Variants in GRIP2 observed in about 807,000 individuals in gnomAD.
GRIP2 encodes glutamate receptor interacting protein 2.
Under a neutral mutation model 108.3 loss-of-function variants are expected in GRIP2, and 58 were observed. The ratio of observed to expected loss-of-function variants is 0.54; its 90% confidence interval spans 0.43 to 0.67. The LOEUF (loss-of-function observed/expected upper bound fraction) is 0.67. GRIP2 is among the 30% of genes least tolerant of loss of function. The probability of loss-of-function intolerance (pLI) is 0.00; values close to 1 mark genes in which losing one functional copy is unlikely to be tolerated. For missense variants in GRIP2, 1,278 were observed against 1,430.6 expected, an observed-to-expected ratio of 0.89 and a Z score of 1.72; for synonymous variants, 586 against 598.2, an observed-to-expected ratio of 0.98 and a Z score of 0.30.
the GRIP2 span, among the ~76,000 whole-genome samples, chr3:14,568,167 T>C: frequency 6.6e-6 from 1 of 151,932 alleles, no homozygotes. Context: ...TGGGAGGGTG[T>C]TGAAGAGAGG....
In GRIP2 at chr3:14,494,830, G is replaced by C; in HGVS notation, c.2970+13C>G. On this transcript the variant is annotated intron_variant, in intron 23 of 23. Transcript: ENST00000621039. ...ATGCCACCCCCACTATGGAGCCCCT[G>C]CCCCAGCATTACCTGCAGGACCCTG... 6.2e-7 allele frequency: 1 copy of C among 1,607,920 alleles called. No individual in the cohort carries two copies. Among genetic ancestry groups the C allele is most frequent in the Non-Finnish European group, 8.5e-7 (1 of 1,176,326 alleles).
chr3:14,501,746 A>T (rs1473086560), intron 21 of GRIP2, among the ~76,000 whole-genome samples: 4 of 152,166 alleles, frequency 2.6e-5, no homozygotes, highest in African/African-American at 9.7e-5. Flanking sequence ...ATTTTTTATT[A>T]CTTATTTTGA....
chr3:14,513,293 C>G (rs1224342678), intron 13 of GRIP2, among the ~76,000 whole-genome samples: 1 of 152,184 alleles, frequency 6.6e-6, no homozygotes, highest in Non-Finnish European at 1.5e-5. Context: ...CAACTATTTA[C>G]GGATGGGGAA....
Position 14,505,619 on chromosome 3 carries a change from T to C in GRIP2, c.2569A>G (p.Thr857Ala), listed in dbSNP as rs769189397. ...CACGGTGCTCCCACCACAGACCTCG[T>C]TGGCGGCTCCCAATCATCCTCCTCC... is the stretch of plus-strand genomic sequence containing the variant. ...EEEEDDWEPP[T>A]SPAPGPAREE... The change falls in exon 20 of 24, where the codon ACG (threonine) becomes GCG (alanine). Residue 857 changes from threonine to alanine, a missense_variant. Transcript: ENST00000621039. This position sits in a 1 kb window ranked among gnomAD's most constrained non-coding sequence, Gnocchi z 4.2. The C allele has an allele frequency of 2.2e-5, 35 of 1,609,856 alleles. No individual in the cohort carries two copies. Among genetic ancestry groups the C allele is most frequent in the South Asian group, 4.4e-5 (4 of 90,028 alleles).
At chr3:14,535,378 T>A (rs962534666) in intron 1 of GRIP2, among the ~76,000 whole-genome samples, 8 of 152,186 alleles carry the variant, frequency 5.3e-5, no homozygotes, top group Admixed American at 1.3e-4. Flanking sequence ...GCCCACCTCA[T>A]GGGTTGCTGG....
At position 14,505,773 on chromosome 3, in the gene GRIP2, C is replaced by CTG. The variant is rs1693908577; in HGVS notation, c.2413_2414dup (p.Gln805HisfsTer18). 1 of 1,558,824 alleles carries CTG rather than the reference C, an allele frequency of 6.4e-7. No individual in the cohort carries two copies. Among genetic ancestry groups the CTG allele is most frequent in the Non-Finnish European group, 8.7e-7 (1 of 1,152,564 alleles). ...GGGGGGTCGTGCCCCGGGCTGCTGC[C>CTG]TGTGGTGTATAGGACCCTGGTGGTG... On this transcript the variant is annotated frameshift_variant, in exon 20 of 24. Transcript: ENST00000621039. LOFTEE classifies it high-confidence loss of function. The surrounding 1 kb of genome is among the most constrained non-coding windows in gnomAD (Gnocchi z 4.2).
chr3:14,576,665 C>T, the GRIP2 span, among the ~76,000 whole-genome samples: 20 of 152,348 alleles, frequency 1.3e-4, no homozygotes, highest in African/African-American at 4.6e-4. Context: ...GACCGTCGGG[C>T]AACACCGGCC....
At chr3:14,527,865 C>T (rs1694606630) in intron 1 of GRIP2, among the ~76,000 whole-genome samples, 1 of 151,966 alleles carries the variant, frequency 6.6e-6, no homozygotes, top group South Asian at 2.1e-4. Context: ...CACATCACTC[C>T]AGTCTGGGTG....
Position 14,507,480 on chromosome 3 carries a change from G to A in GRIP2, c.2218+81C>T, listed in dbSNP as rs553950522. 2.0e-6 allele frequency: 3 copies of A among 1,518,370 alleles called. No individual in the cohort carries two copies. In the East Asian group the frequency reaches 6.8e-5, roughly 34 times the overall value. 94.1% of individuals were successfully genotyped at this position (1,518,370 alleles called of 1,614,324 possible). A position where few individuals can be genotyped will look rare whatever the true frequency, so the allele number is the denominator to read the frequency against. On this transcript the variant is annotated intron_variant, in intron 18 of 23. Transcript: ENST00000621039. This position sits in a 1 kb window ranked among gnomAD's most constrained non-coding sequence, Gnocchi z 4.6. ...GGGCTGCAGTGAGGACTCTGTGAGG[G>A]TGTGCAGGCAAAGCCTGGCACAGAG... is the stretch of plus-strand genomic sequence containing the variant.
intron 1 of GRIP2, among the ~76,000 whole-genome samples, chr3:14,554,830 A>G (rs1309918857): frequency 6.6e-6 from 1 of 152,180 alleles, no homozygotes; most frequent in East Asian, 1.9e-4. Context: ...AATCAGAATG[A>G]GGATGGGACC....
intron 1 of GRIP2, among the ~76,000 whole-genome samples, chr3:14,555,301 G>A (rs1175217541): frequency 6.6e-6 from 1 of 150,424 alleles, no homozygotes; most frequent in East Asian, 2.0e-4. Flanking sequence ...GCCCCTGCCA[G>A]GCAACCCCAG....
Position 14,514,444 on chromosome 3 carries a change from C to T in GRIP2, c.1341G>A (p.Gly447=), listed in dbSNP as rs1694190971. The T allele has an allele frequency of 4.4e-6, 7 of 1,576,976 alleles. No individual in the cohort carries two copies. The highest frequency in any genetic ancestry group is 6.0e-6 in the Non-Finnish European group (7 of 1,163,020). The change falls in exon 12 of 24, where the codon GGG becomes GGA. Residue 447 remains glycine (G), a synonymous_variant. Coordinates refer to ENST00000621039, the MANE Select transcript of GRIP2 (RefSeq NM_001080423.4). ...CCGTGGTCTCCGTGTGCACAATCTGCCCGCCCGGCCCCACCGTGCTGGAGG... is the reference window on the plus strand; with the variant it reads ...CCGTGGTCTCCGTGTGCACAATCTGTCCGCCCGGCCCCACCGTGCTGGAGG... ...SLASSTVGPG[G]QIVHTETTEV...
Position 14,528,505 on chromosome 3 carries a change from G to A in GRIP2, c.41-2574C>T, listed in dbSNP as rs573615515. ...TTTGCACCCGACCAACAATGTAAAA[G>A]AGTTTCAATCGCTGTGCATCCTCAT... On this transcript the variant is annotated intron_variant, in intron 1 of 23. Transcript: ENST00000621039. Among the ~76,000 whole-genome samples, 4 of 152,332 alleles carry A rather than the reference G, an allele frequency of 2.6e-5. No homozygotes were observed. The East Asian group carries it at 7.7e-4, about 29-fold the overall frequency.
At chr3:14,540,410 A>G (rs770766098), upstream of GRIP2, 1 of 1,605,210 alleles carries the variant, frequency 6.2e-7, no homozygotes, top group South Asian at 1.1e-5. The surrounding 1 kb of genome is among the most constrained non-coding windows in gnomAD (Gnocchi z 4.1). Context: ...GGAAGCTCAC[A>G]GCTCCCACTG....
intron 4 of GRIP2, chr3:14,524,142 C>G (rs779263392): frequency 7.1e-6 from 4 of 567,210 alleles, no homozygotes; most frequent in Non-Finnish European, 1.2e-5. Flanking sequence ...AAACCCTCCC[C>G]GCTAAAGGAA....
the GRIP2 span, among the ~76,000 whole-genome samples, chr3:14,601,055 ATCTC>A: frequency 4.0e-5 from 6 of 149,488 alleles, no homozygotes; most frequent in East Asian, 5.9e-4. Flanking sequence ...CGCCTCACCC[ATCTC>A]TCTCTCTCAC....
intron 10 of GRIP2, among the ~76,000 whole-genome samples, chr3:14,517,494 CTTTTTTTTTTTTTT>C (rs146509076): frequency 9.3e-6 from 1 of 107,754 alleles, no homozygotes; most frequent in Non-Finnish European, 1.8e-5. Flanking sequence ...ATCTCTCTCT[CTTTTTTTTTTTTTT>C]TTTTTTTTTT....
chr3:14,578,360 G>T, the GRIP2 span, among the ~76,000 whole-genome samples: 1 of 152,180 alleles, frequency 6.6e-6, no homozygotes, highest in African/African-American at 2.4e-5. Context: ...ATAATATCAT[G>T]ATTTATCTCA....
In GRIP2 at chr3:14,521,574, C is replaced by T; in HGVS notation, c.712+68G>A. On this transcript the variant is annotated intron_variant, in intron 7 of 23. Coordinates refer to ENST00000621039, the MANE Select transcript of GRIP2 (RefSeq NM_001080423.4). The surrounding 1 kb of genome is among the most constrained non-coding windows in gnomAD (Gnocchi z 5.1). ...CCTTTGCAGTGGTAAAGATCCATGG[C>T]CACTGCCACCTCCCCCCATCCCAGG... The T allele has an allele frequency of 6.7e-7, 1 of 1,488,798 alleles. No homozygotes were observed. Among genetic ancestry groups the T allele is most frequent in the Non-Finnish European group, 9.0e-7 (1 of 1,107,424 alleles). 92.2% of individuals were successfully genotyped at this position (1,488,798 alleles called of 1,614,324 possible).
Sources: gnomAD v4.1 joint callset for allele counts (sites outside exome capture counted in the v4.1 genomes callset) on GRCh38, gnomAD v4.1.1 for gene constraint, Gnocchi (gnomAD v3.1) non-coding constraint, MANE v1.5 for transcripts, NCBI Gene and HGNC (gene_info 2026-07-23, HGNC 2026-07-21) for gene names.